The following ANK2 variants were observed in gnomAD, a reference collection of about 807,000 sequenced individuals.
ANK2 encodes the protein ankyrin-2.
A neutral mutation model predicts 360.5 loss-of-function variants in ANK2; 83 were observed. That is an observed-to-expected ratio of 0.23 (90% CI 0.19 to 0.28). The LOEUF (loss-of-function observed/expected upper bound fraction) is 0.28. Ranked by LOEUF, ANK2 falls within the 10% of genes least tolerant of loss-of-function variation. ANK2 has a pLI of 1.00. For synonymous variants in ANK2, 1,740 were observed against 1,759.5 expected (o/e 0.99, Z 0.28); for missense variants, 4,201 against 4,795.7 (o/e 0.88, Z 3.66).
Position 113,070,150 on chromosome 4 carries a change from C to G in ANK2, c.84+20338C>G, listed in dbSNP as rs2077039495. On this transcript the variant is annotated intron_variant, in intron 1 of 45. Coordinates refer to ENST00000357077, the MANE Select transcript of ANK2 (RefSeq NM_001148.6). The stretch of plus-strand genomic sequence containing the variant: ...GGTGAATAAACTCTCCGCTCCATGC[C>G]TTTCTGCTCAGAGAGGTTACATCTT... 4 of 152,254 alleles carry G rather than the reference C, an allele frequency of 2.6e-5. No homozygotes were observed. In the South Asian group the frequency reaches 8.3e-4, roughly 32 times the overall value. The allele number at this position is 152,254 out of a possible 1,614,324, so 9.4% of individuals were successfully genotyped here. A position where few individuals can be genotyped will look rare whatever the true frequency, so the allele number is the denominator to read the frequency against.
chr4:112,813,404 T>C (rs1333985085), upstream of ANK2, among the ~76,000 whole-genome samples: 2 of 152,118 alleles, frequency 1.3e-5, no homozygotes, highest in Non-Finnish European at 2.9e-5. Context: ...AGAAACATAT[T>C]AAAAATTCAG....
intron 2 of ANK2, among the ~76,000 whole-genome samples, chr4:113,011,691 T>A (rs1274134418): frequency 1.3e-5 from 2 of 152,084 alleles, no homozygotes; most frequent in African/African-American, 2.4e-5. Flanking sequence ...AGAGGACATC[T>A]TACATATGGA....
chr4:112,769,760 G>C, the ANK2 span, among the ~76,000 whole-genome samples: 1 of 152,146 alleles, frequency 6.6e-6, no homozygotes, highest in Admixed American at 6.6e-5. Flanking sequence ...AGTGTGGGTA[G>C]GTATCATCCA....
At chr4:113,339,350 A>G (rs371282583) in intron 32 of ANK2, 28 bp downstream of exon 32, 497 of 1,573,274 alleles carry the variant, frequency 3.2e-4, no homozygotes, top group African/African-American at 7.5e-4. Flanking sequence ...AGAAAAGCCC[A>G]CTATGATATG....
the ANK2 span, among the ~76,000 whole-genome samples, chr4:112,796,481 T>C: frequency 0.015 from 1,712 of 118,048 alleles, 33 homozygotes; most frequent in African/African-American, 0.053. Context: ...CACACACACA[T>C]ACATATCATA....
intron 18 of ANK2, among the ~76,000 whole-genome samples, chr4:113,283,800 A>T (rs965705560): frequency 6.6e-6 from 1 of 152,200 alleles, no homozygotes; most frequent in Non-Finnish European, 1.5e-5. Context: ...CTTAGTGAAA[A>T]TTACGTTTCT....
intron 1 of ANK2, among the ~76,000 whole-genome samples, chr4:113,124,954 A>AT (rs1026049809): frequency 9.9e-5 from 15 of 152,060 alleles, no homozygotes; most frequent in African/African-American, 3.4e-4. Flanking sequence ...GCATAGAGAG[A>AT]TCCCCATCTC....
intron 1 of ANK2, among the ~76,000 whole-genome samples, chr4:113,079,616 G>A (rs990340803): frequency 5.3e-5 from 8 of 152,084 alleles, no homozygotes; most frequent in Admixed American, 1.3e-4. Context: ...AAATAAACTT[G>A]GAAATAATTA....
At chr4:113,163,030 A>T (rs17444914) in intron 1 of ANK2, among the ~76,000 whole-genome samples, 22,753 of 152,196 alleles carry the variant, frequency 0.15, 1,893 homozygotes, top group Non-Finnish European at 0.2. Flanking sequence ...AGATACAGCT[A>T]GATCCTTCCA....
chr4:112,904,448 C>T, intron 1 of ANK2: 1 of 1,396,856 alleles, frequency 7.2e-7, no homozygotes, highest in South Asian at 1.4e-5. Context: ...CTTTTTTATC[C>T]TTTTAGGTAA....
intron 1 of ANK2, among the ~76,000 whole-genome samples, chr4:112,894,036 C>T (rs568881009): frequency 5.9e-5 from 9 of 152,226 alleles, no homozygotes; most frequent in South Asian, 2.1e-4. Context: ...AGACAGGAAA[C>T]GGGAAAATGA....
intron 1 of ANK2, among the ~76,000 whole-genome samples, chr4:113,088,905 C>A (rs570274418): frequency 1.3e-5 from 2 of 152,288 alleles, no homozygotes; most frequent in South Asian, 4.1e-4. Context: ...TCTATTTAAA[C>A]ATGTCATTTG....
chr4:112,951,630 T>C (rs1318748350), intron 2 of ANK2, among the ~76,000 whole-genome samples: 1 of 151,294 alleles, frequency 6.6e-6, no homozygotes, highest in Non-Finnish European at 1.5e-5. Flanking sequence ...CGAAGGTAGC[T>C]CTTTCTAAGG....
intron 1 of ANK2, among the ~76,000 whole-genome samples, chr4:113,136,101 T>C (rs1007148741): frequency 3.0e-4 from 45 of 152,198 alleles, no homozygotes; most frequent in African/African-American, 1.0e-3. Context: ...AAGTTTTTTT[T>C]ATTGCTCATT....
At chr4:113,106,907 T>G in intron 1 of ANK2, 2 of 533,736 alleles carry the variant, frequency 3.7e-6, no homozygotes, top group South Asian at 2.8e-5. Context: ...GTCCATCTCC[T>G]GCCTATTTAT....
chr4:113,215,672 GA>G (rs1319577874), intron 4 of ANK2, among the ~76,000 whole-genome samples: 2 of 151,998 alleles, frequency 1.3e-5, no homozygotes, highest in Admixed American at 6.6e-5. Flanking sequence ...CAAACAGCCA[GA>G]AAAAAATGAA....
intron 10 of ANK2, among the ~76,000 whole-genome samples, chr4:113,250,248 A>G (rs2045407411): frequency 6.6e-6 from 1 of 152,226 alleles, no homozygotes; most frequent in African/African-American, 2.4e-5. Flanking sequence ...TAGCAACACA[A>G]AATGAATCTT....
intron 18 of ANK2, 39 bp downstream of exon 18, chr4:113,282,911 G>A (rs767383486): frequency 3.7e-6 from 6 of 1,606,924 alleles, no homozygotes. Context: ...GAGTGTTTTG[G>A]ATGCATGTAA....
intron 1 of ANK2, among the ~76,000 whole-genome samples, chr4:112,842,592 G>C (rs1417104851): frequency 6.6e-6 from 1 of 152,160 alleles, no homozygotes; most frequent in East Asian, 1.9e-4. Flanking sequence ...CCGTAACTTA[G>C]ATCCCTTGCA....
Sources: allele counts gnomAD v4.1 joint callset (sites outside exome capture counted in the v4.1 genomes callset), GRCh38; gene constraint gnomAD v4.1.1; transcripts MANE v1.5; gene names NCBI Gene and HGNC (gene_info 2026-07-23, HGNC 2026-07-21).